The following TMEM18 variants were observed in gnomAD, a reference collection of about 807,000 sequenced individuals.
The protein encoded by TMEM18 is transmembrane protein 18.
Under a neutral mutation model 17.4 loss-of-function variants are expected in TMEM18, and 14 were observed. That is an observed-to-expected ratio of 0.80 (90% CI 0.53 to 1.25). The LOEUF (loss-of-function observed/expected upper bound fraction) is 1.25, where lower values mean the gene tolerates loss of function less well. Among genes scored for constraint, TMEM18 ranks in the 50% most tolerant of loss-of-function variants. The pLI, the probability that TMEM18 is intolerant of heterozygous loss-of-function variation, is 0.00. For missense variants in TMEM18, 187 were observed against 172.1 expected (o/e 1.09, Z -0.48); for synonymous variants, 86 against 66.1 (o/e 1.30, Z -1.46).
Position 666,376 on chromosome 2 carries a change from A to G in TMEM18, c.*3204T>C, listed in dbSNP as rs752426546. Among the ~76,000 whole-genome samples, 33 of 152,070 alleles carry G rather than the reference A, an allele frequency of 2.2e-4. No homozygotes were observed. Among genetic ancestry groups the G allele is most frequent in the Non-Finnish European group, 3.8e-4 (26 of 68,010 alleles). ...CTGGCATAGGTCTTGTGCAATTTCT[A>G]ATGACAGCATGATTCGGAGACTATA... On this transcript the variant is annotated 3_prime_UTR_variant, in exon 5 of 5. Transcript: ENST00000281017.
chr2:670,121 G>A, intron 3 of TMEM18: 1 of 408,526 alleles, frequency 2.4e-6, no homozygotes, highest in Non-Finnish European at 4.4e-6. Flanking sequence ...CCCCAGCAGA[G>A]AGACGTCACC....
rs796630466 is a variant in TMEM18 at position 677,386 on chromosome 2, G to C, written c.-41C>G. ...GCTCTCACAGCAACCGCCGAACCCGGCCTGGCCAGAATCCACAGAGGAGGG... is the reference window on the plus strand; with the variant it reads ...GCTCTCACAGCAACCGCCGAACCCGCCCTGGCCAGAATCCACAGAGGAGGG... On this transcript the variant is annotated 5_prime_UTR_variant, in exon 1 of 5. Transcript: ENST00000281017. 6 of 1,603,074 alleles carry C rather than the reference G, an allele frequency of 3.7e-6. No individual in the cohort carries two copies. Among genetic ancestry groups the C allele is most frequent in the Non-Finnish European group, 4.3e-6 (5 of 1,176,388 alleles).
rs1326066036 is a variant in TMEM18 at position 665,922 on chromosome 2, T to A, written c.*3658A>T. ...TCATGGAGGCAGTCACCCAGCTCACTCAGATGGAGTGTTAACCCCACGCAC... is the reference window on the plus strand; with the variant it reads ...TCATGGAGGCAGTCACCCAGCTCACACAGATGGAGTGTTAACCCCACGCAC... On this transcript the variant is annotated 3_prime_UTR_variant, in exon 5 of 5. Coordinates refer to ENST00000281017, the MANE Select transcript of TMEM18 (RefSeq NM_152834.4). Among the ~76,000 whole-genome samples, 2 of 151,622 alleles carry A rather than the reference T, an allele frequency of 1.3e-5. No homozygotes were observed. The highest frequency in any genetic ancestry group is 2.9e-5 in the Non-Finnish European group (2 of 67,986).
chr2:673,634 G>C (rs1384521673), intron 2 of TMEM18, among the ~76,000 whole-genome samples: 2 of 152,032 alleles, frequency 1.3e-5, no homozygotes, highest in Admixed American at 6.6e-5. Context: ...GATTAAACTA[G>C]GGGCTACGGT....
rs1678751781 is a variant in TMEM18, at chr2:668,512, A to G, written c.*1068T>C. On this transcript the variant is annotated 3_prime_UTR_variant, in exon 5 of 5. Transcript: ENST00000281017. The stretch of plus-strand genomic sequence containing the variant: ...ATTCTCTTCCCAGGCTTGTCTAATC[A>G]AAGATAACTGTTCCAATTACATTTT... The G allele has an allele frequency of 1.3e-5, 2 of 152,340 alleles. No individual in the cohort carries two copies. The highest frequency in any genetic ancestry group is 2.1e-4 in the South Asian group (1 of 4,826). 9.4% of individuals were successfully genotyped at this position (152,340 alleles called of 1,614,324 possible).
chr2:669,512 C>T lies in TMEM18; in HGVS notation c.*68G>A, dbSNP rs1558179571. On this transcript the variant is annotated 3_prime_UTR_variant, in exon 5 of 5. Transcript: ENST00000281017. Reference sequence around the variant, plus strand: ...CAGCTGGAAGGATGCCCACGCCACGCACACTGCAGCACTGGGAGCTGCACT... The same window carrying T: ...CAGCTGGAAGGATGCCCACGCCACGTACACTGCAGCACTGGGAGCTGCACT... 1 of 1,492,634 alleles carries T rather than the reference C, an allele frequency of 6.7e-7. No individual in the cohort carries two copies. Among genetic ancestry groups the T allele is most frequent in the Non-Finnish European group, 9.2e-7 (1 of 1,081,402 alleles). The allele number at this position is 1,492,634 out of a possible 1,614,324, so 92.5% of individuals were successfully genotyped here.
intron 2 of TMEM18, among the ~76,000 whole-genome samples, chr2:674,854 C>G (rs1362891007): frequency 6.6e-6 from 1 of 152,248 alleles, no homozygotes; most frequent in African/African-American, 2.4e-5. Context: ...TCGTAACGCT[C>G]AGCATCAGAA....
At chr2:674,379 T>G (rs996425179) in intron 2 of TMEM18, among the ~76,000 whole-genome samples, 6 of 152,184 alleles carry the variant, frequency 3.9e-5, no homozygotes, top group African/African-American at 1.4e-4. Context: ...CCTATGCACC[T>G]TTTGCCCCTG....
At position 677,105 on chromosome 2, in the gene TMEM18, C is replaced by CCCCCGACGCCGG. The variant is rs1309259162; in HGVS notation, c.57+172_57+183dup. ...CCCAGGACCCCGCCCACAGCGCGCGCCCCCGACGCCGGCCCCGAGCCACTC... is the reference window on the plus strand; with the variant it reads ...CCCAGGACCCCGCCCACAGCGCGCGCCCCCGACGCCGGCCCCGACGCCGGCCCCGAGCCACTC... On this transcript the variant is annotated intron_variant, in intron 1 of 4. Coordinates refer to ENST00000281017, the MANE Select transcript of TMEM18 (RefSeq NM_152834.4). The CCCCCGACGCCGG allele has an allele frequency of 6.5e-4, 443 of 680,856 alleles. 2 individuals are homozygous for CCCCCGACGCCGG. In the East Asian group the frequency reaches 0.011, roughly 17 times the overall value. 42.2% of individuals were successfully genotyped at this position (680,856 alleles called of 1,614,324 possible).
At chr2:674,376 A>C (rs1678938998) in intron 2 of TMEM18, among the ~76,000 whole-genome samples, 1 of 151,882 alleles carries the variant, frequency 6.6e-6, no homozygotes, top group Admixed American at 6.5e-5. Flanking sequence ...CTGCCTATGC[A>C]CCTTTTGCCC....
At chr2:676,134 G>T (rs1054303666) in intron 1 of TMEM18, 18 of 1,324,808 alleles carry the variant, frequency 1.4e-5, no homozygotes, top group Non-Finnish European at 1.8e-5. Context: ...TTGAGCCATC[G>T]CCACGTGCAA....
Position 667,014 on chromosome 2 carries a change from C to CTTTTTTT in TMEM18, c.*2559_*2565dup, listed in dbSNP as rs34894161. Among the ~76,000 whole-genome samples the CTTTTTTT allele has an allele frequency of 7.1e-6, 1 of 140,816 alleles. No individual in the cohort carries two copies. Among genetic ancestry groups the CTTTTTTT allele is most frequent in the South Asian group, 2.3e-4 (1 of 4,424 alleles). The allele number at this position is 140,816 out of a possible 152,430, so 92.4% of individuals were successfully genotyped here. A position where few individuals can be genotyped will look rare whatever the true frequency, so the allele number is the denominator to read the frequency against. ...CTTACCCTGAATTCCACCCCCAGCC[C>CTTTTTTT]TTTTTTTTTTTTTTTAACATTTATT... On this transcript the variant is annotated 3_prime_UTR_variant, in exon 5 of 5. Transcript: ENST00000281017.
intron 2 of TMEM18, among the ~76,000 whole-genome samples, chr2:675,288 G>A (rs1678967703): frequency 6.6e-6 from 1 of 152,204 alleles, no homozygotes; most frequent in Admixed American, 6.5e-5. Context: ...TCCCTGGTAG[G>A]CAACAGGAAC....
chr2:671,814 G>C (rs969905672), intron 3 of TMEM18, among the ~76,000 whole-genome samples: 2 of 135,506 alleles, frequency 1.5e-5, no homozygotes, highest in Non-Finnish European at 3.1e-5. Flanking sequence ...CCCTGCATCC[G>C]GGAGGAGAGG....
At chr2:669,956 G>T in intron 3 of TMEM18, 106 bp from the exon 4 acceptor site, 1 of 875,698 alleles carries the variant, frequency 1.1e-6, no homozygotes, top group Non-Finnish European at 1.8e-6. Context: ...GTGGACTGAG[G>T]TGGGAGCAAC....
At chr2:676,390 C>T (rs2103095439) in intron 1 of TMEM18, 3 of 1,364,150 alleles carry the variant, frequency 2.2e-6, no homozygotes, top group East Asian at 2.5e-5. Flanking sequence ...CAAGCCCTGC[C>T]CTCCAAGCTG....
At chr2:673,375 G>C (rs992951000) in intron 2 of TMEM18, among the ~76,000 whole-genome samples, 1 of 152,136 alleles carries the variant, frequency 6.6e-6, no homozygotes, top group East Asian at 1.9e-4. Context: ...ACGGGAGGGA[G>C]GGCAGCAGCT....
At chr2:670,660 C>G (rs1425554416) in intron 3 of TMEM18, 1 of 152,620 alleles carries the variant, frequency 6.6e-6, no homozygotes, top group Non-Finnish European at 1.5e-5. Flanking sequence ...AAGTAAGAGG[C>G]AGCCAGTCCA....
chr2:675,408 G>A (rs1480302424), intron 2 of TMEM18, 102 bp downstream of exon 2: 10 of 1,542,000 alleles, frequency 6.5e-6, no homozygotes, highest in Admixed American at 3.4e-5. Context: ...GGGTTGGGAG[G>A]TCTTGTAAAA....
Sources: gnomAD v4.1 joint callset for allele counts (sites outside exome capture counted in the v4.1 genomes callset) on GRCh38, gnomAD v4.1.1 for gene constraint, MANE v1.5 for transcripts, NCBI Gene and HGNC (gene_info 2026-07-23, HGNC 2026-07-21) for gene names.